The following ELMO1 variants were observed in gnomAD, a reference collection of about 807,000 sequenced individuals.
The protein encoded by ELMO1 is engulfment and cell motility protein 1.
Under a neutral mutation model 98.9 loss-of-function variants are expected in ELMO1, and 26 were observed. The observed-to-expected ratio is 0.26, with a 90% confidence interval of 0.19 to 0.36. The LOEUF (loss-of-function observed/expected upper bound fraction) is 0.36. ELMO1 is among the 10% of genes least tolerant of loss of function. The probability of loss-of-function intolerance (pLI) is 1.00; values close to 1 mark genes in which losing one functional copy is unlikely to be tolerated. For synonymous variants in ELMO1, 346 were observed against 346.0 expected, an observed-to-expected ratio of 1.00 and a Z score of 0.00; for missense variants, 627 against 935.2, an observed-to-expected ratio of 0.67 and a Z score of 4.30.
At chr7:37,377,240 C>T (rs916193382) in intron 1 of ELMO1, among the ~76,000 whole-genome samples, 1 of 152,054 alleles carries the variant, frequency 6.6e-6, no homozygotes, top group African/African-American at 2.4e-5. Context: ...ACCACTGAAC[C>T]CCCAAAAATC....
intron 13 of ELMO1, among the ~76,000 whole-genome samples, chr7:37,192,996 T>TATCTATATATATATATATAG: frequency 2.7e-5 from 1 of 36,374 alleles, no homozygotes; most frequent in East Asian, 1.5e-3. Flanking sequence ...TATATATATA[T>TATCTATATATATATATATAG]ATATATATAT....
intron 13 of ELMO1, among the ~76,000 whole-genome samples, chr7:37,192,826 GTA>G: frequency 6.9e-6 from 1 of 143,914 alleles, no homozygotes; most frequent in East Asian, 2.0e-4. Context: ...GTGTGTGTGT[GTA>G]TATATGTATA....
chr7:37,179,297 A>G (rs1790696816), intron 13 of ELMO1, among the ~76,000 whole-genome samples: 1 of 67,542 alleles, frequency 1.5e-5, no homozygotes, highest in Non-Finnish European at 3.0e-5. Flanking sequence ...TTTTTTTTTG[A>G]GACGGAGTCT....
At chr7:37,371,095 A>T (rs1405450512) in intron 1 of ELMO1, among the ~76,000 whole-genome samples, 1 of 152,238 alleles carries the variant, frequency 6.6e-6, no homozygotes, top group African/African-American at 2.4e-5. Flanking sequence ...AACTACATCT[A>T]CATGGGTGAA....
chr7:37,426,147 T>C (rs866293827), intron 1 of ELMO1, among the ~76,000 whole-genome samples: 9,159 of 133,636 alleles, frequency 0.069, 393 homozygotes, highest in Non-Finnish European at 0.11. Context: ...TCTTTCTTTT[T>C]TTTTTTTTTT....
chr7:37,308,763 A>G (rs1469683449), intron 4 of ELMO1, among the ~76,000 whole-genome samples: 1 of 152,184 alleles, frequency 6.6e-6, no homozygotes, highest in East Asian at 1.9e-4. Context: ...CCAGATGATG[A>G]GTGGCAGAGC....
At chr7:36,953,610 T>C (rs2129108023) in intron 16 of ELMO1, among the ~76,000 whole-genome samples, 1 of 152,370 alleles carries the variant, frequency 6.6e-6, no homozygotes, top group Non-Finnish European at 1.5e-5. Context: ...GTAACAATAC[T>C]TTTTATATGT....
intron 4 of ELMO1, among the ~76,000 whole-genome samples, chr7:37,313,986 T>C (rs1201573652): frequency 6.6e-6 from 1 of 152,236 alleles, no homozygotes; most frequent in African/African-American, 2.4e-5. Context: ...AAGACAAAAC[T>C]GGCTCATATG....
At chr7:37,296,799 T>C (rs951372885) in intron 4 of ELMO1, among the ~76,000 whole-genome samples, 1 of 152,190 alleles carries the variant, frequency 6.6e-6, no homozygotes, top group Admixed American at 6.5e-5. Flanking sequence ...ATAAATAACA[T>C]CTAATCTCAA....
At chr7:37,269,679 G>C (rs2723971) in intron 5 of ELMO1, 151,994 of 152,268 alleles carry the variant, frequency 1, 75,860 homozygotes, top group Middle Eastern at 1. Flanking sequence ...CTCCTGACCT[G>C]GTGATCCGCC....
intron 4 of ELMO1, among the ~76,000 whole-genome samples, chr7:37,299,060 A>T (rs1798217733): frequency 3.0e-5 from 1 of 33,054 alleles, no homozygotes; most frequent in South Asian, 8.6e-4. Flanking sequence ...GCCAGTGATG[A>T]TGAACATTTT....
At chr7:37,030,824 G>A (rs1237909323) in intron 15 of ELMO1, among the ~76,000 whole-genome samples, 1 of 152,128 alleles carries the variant, frequency 6.6e-6, no homozygotes, top group Non-Finnish European at 1.5e-5. Flanking sequence ...ATCTGGTCCT[G>A]TAGCTTCTAC....
At chr7:37,050,164 C>T (rs150503385) in intron 15 of ELMO1, among the ~76,000 whole-genome samples, 2,722 of 152,094 alleles carry the variant, frequency 0.018, 90 homozygotes, top group African/African-American at 0.063. Context: ...CTGCAAACTC[C>T]GCCTCCCAGG....
At chr7:37,073,882 C>T (rs76866977) in intron 15 of ELMO1, among the ~76,000 whole-genome samples, 4,711 of 151,310 alleles carry the variant, frequency 0.031, 122 homozygotes, top group African/African-American at 0.067. Context: ...CTGCACCTGA[C>T]CACTAAAATT....
intron 1 of ELMO1, among the ~76,000 whole-genome samples, chr7:37,416,999 T>C (rs2131516211): frequency 6.6e-6 from 1 of 152,316 alleles, no homozygotes; most frequent in South Asian, 2.1e-4. Flanking sequence ...CAACTAGCTG[T>C]AAAAGCTAAA....
At chr7:37,071,942 T>C (rs1412247989) in intron 15 of ELMO1, among the ~76,000 whole-genome samples, 2 of 152,060 alleles carry the variant, frequency 1.3e-5, no homozygotes, top group Non-Finnish European at 2.9e-5. Context: ...ATTAGTATAC[T>C]CAATTAAAAA....
At chr7:36,911,611 A>C (rs1232305358) in intron 16 of ELMO1, among the ~76,000 whole-genome samples, 1 of 152,180 alleles carries the variant, frequency 6.6e-6, no homozygotes, top group Non-Finnish European at 1.5e-5. Flanking sequence ...CAGAGAAATG[A>C]TGCTGTTATG....
At chr7:37,365,490 A>C (rs1801868020) in intron 1 of ELMO1, among the ~76,000 whole-genome samples, 1 of 152,190 alleles carries the variant, frequency 6.6e-6, no homozygotes, top group Non-Finnish European at 1.5e-5. Flanking sequence ...CCGCTGGAAA[A>C]AGCAGAAGAG....
chr7:37,122,625 G>C (rs1265941210), intron 14 of ELMO1, among the ~76,000 whole-genome samples: 1 of 152,152 alleles, frequency 6.6e-6, no homozygotes, highest in Non-Finnish European at 1.5e-5. Flanking sequence ...AGGAGCACCA[G>C]ATTCATAAAG....
Sources: gnomAD v4.1 joint callset for allele counts (sites outside exome capture counted in the v4.1 genomes callset) on GRCh38, gnomAD v4.1.1 for gene constraint, MANE v1.5 for transcripts, NCBI Gene and HGNC (gene_info 2026-07-23, HGNC 2026-07-21) for gene names.